The following LAMTOR3 variants were observed in gnomAD, a reference collection of about 807,000 sequenced individuals.
LAMTOR3 encodes ragulator complex protein LAMTOR3.
In LAMTOR3, 14 loss-of-function variants were observed where a neutral mutation model predicts 20.3. The ratio of observed to expected loss-of-function variants is 0.69; its 90% confidence interval spans 0.46 to 1.08. The LOEUF (loss-of-function observed/expected upper bound fraction) is 1.08, where lower values mean the gene tolerates loss of function less well. Among genes scored for constraint, LAMTOR3 ranks in the 50% least tolerant of loss-of-function variants. The pLI is 0.00. For missense variants in LAMTOR3, 125 were observed against 143.7 expected (o/e 0.87, Z 0.67); for synonymous variants, 40 against 49.4 (o/e 0.81, Z 0.80).
chr4:99,893,234 G>A (rs967357638), intron 2 of LAMTOR3, among the ~76,000 whole-genome samples: 1 of 151,866 alleles, frequency 6.6e-6, no homozygotes, highest in Non-Finnish European at 1.5e-5. Context: ...GGCTGATCTT[G>A]AACTCCCGGC....
chr4:99,887,261 AAAG>A lies in LAMTOR3; in HGVS notation c.103+32_103+34del, dbSNP rs537670861. On this transcript the variant is annotated intron_variant, in intron 4 of 6. Coordinates refer to ENST00000499666, the MANE Select transcript of LAMTOR3 (RefSeq NM_021970.4). Reference sequence around the variant, plus strand: ...ATTACACACATTTTTAGTCAAAAGCAAAGAAGACATTTGCATTTAAATGTTCAG... The same window carrying A: ...ATTACACACATTTTTAGTCAAAAGCAAAGACATTTGCATTTAAATGTTCAG... 7.6e-5 allele frequency: 107 copies of A among 1,412,306 alleles called. No individual in the cohort carries two copies. The African/African-American group carries it at 1.3e-3, about 17-fold the overall frequency. 87.5% of individuals were successfully genotyped at this position (1,412,306 alleles called of 1,614,324 possible).
At position 99,878,686 on chromosome 4, in the gene LAMTOR3, G is replaced by C. The variant is rs1198944316; in HGVS notation, c.*3308C>G. The stretch of plus-strand genomic sequence containing the variant: ...TCTCAATAAACATTATTATGCCTTA[G>C]AGATCTTTTCATCTCAGTACCTAAA... On this transcript the variant is annotated 3_prime_UTR_variant, in exon 7 of 7. Transcript: ENST00000499666. 1.3e-5 allele frequency: 2 copies of C among 152,178 alleles called. No individual in the cohort carries two copies. Among genetic ancestry groups the C allele is most frequent in the African/African-American group, 4.8e-5 (2 of 41,434 alleles). The allele number at this position is 152,178 out of a possible 1,614,324, so 9.4% of individuals were successfully genotyped here.
intron 3 of LAMTOR3, among the ~76,000 whole-genome samples, chr4:99,887,719 C>T (rs993383201): frequency 2.0e-5 from 3 of 152,134 alleles, no homozygotes; most frequent in African/African-American, 4.8e-5. Flanking sequence ...AAATATTAAG[C>T]GGCCAGTATT....
intron 2 of LAMTOR3, among the ~76,000 whole-genome samples, chr4:99,892,399 T>C (rs1725038347): frequency 6.6e-6 from 1 of 152,218 alleles, no homozygotes; most frequent in Non-Finnish European, 1.5e-5. Flanking sequence ...CCTGTTGCTA[T>C]TGTGTTCACT....
chr4:99,885,362 T>C (rs144547057), intron 5 of LAMTOR3, among the ~76,000 whole-genome samples, 180 bp downstream of exon 5: 4 of 152,328 alleles, frequency 2.6e-5, no homozygotes, highest in African/African-American at 9.6e-5. Context: ...AATTATTTCC[T>C]GGTATGAAAT....
rs1350840507 is a variant in LAMTOR3 at position 99,878,624 on chromosome 4, C to T, written c.*3370G>A. ...ATACACATTTTTTCTTCTTATACAT[C>T]AATTGTAGCATGCCATACAGTTTGA... On this transcript the variant is annotated 3_prime_UTR_variant, in exon 7 of 7. Coordinates refer to ENST00000499666, the MANE Select transcript of LAMTOR3 (RefSeq NM_021970.4). 6.6e-6 allele frequency: 1 copy of T among 152,150 alleles called. No individual in the cohort carries two copies. Among genetic ancestry groups the T allele is most frequent in the African/African-American group, 2.4e-5 (1 of 41,428 alleles). The allele number at this position is 152,150 out of a possible 1,614,324, so 9.4% of individuals were successfully genotyped here. A position where few individuals can be genotyped will look rare whatever the true frequency, so the allele number is the denominator to read the frequency against.
In LAMTOR3 at chr4:99,878,790, G is replaced by A. The variant is rs1378580050; in HGVS notation, c.*3204C>T. ...AATTTATTATCTAAAGTGAGACATT[G>A]AGAATGAAAGCACTATTAATAATTA... is the stretch of plus-strand genomic sequence containing the variant. On this transcript the variant is annotated 3_prime_UTR_variant, in exon 7 of 7. Transcript: ENST00000499666. 6.6e-6 allele frequency: 1 copy of A among 152,154 alleles called. No individual in the cohort carries two copies. Among genetic ancestry groups the A allele is most frequent in the Non-Finnish European group, 1.5e-5 (1 of 68,032 alleles). 9.4% of individuals were successfully genotyped at this position (152,154 alleles called of 1,614,324 possible).
chr4:99,886,437 T>C (rs1461207032), intron 4 of LAMTOR3, among the ~76,000 whole-genome samples: 1 of 152,184 alleles, frequency 6.6e-6, no homozygotes, highest in Non-Finnish European at 1.5e-5. Flanking sequence ...TTATAATGTG[T>C]TTGCCAAAAT....
In LAMTOR3 at chr4:99,891,888, T is replaced by A; in HGVS notation, c.44+112A>T. The A allele has an allele frequency of 2.8e-6, 4 of 1,446,938 alleles. No individual in the cohort carries two copies. In the South Asian group the frequency reaches 5.5e-5, roughly 20 times the overall value. 89.6% of individuals were successfully genotyped at this position (1,446,938 alleles called of 1,614,324 possible). ...GTGAGGCTGGCAAAAAATATTCATA[T>A]TAAAGGAAATCTCAGAGATACTTCA... is the stretch of plus-strand genomic sequence containing the variant. On this transcript the variant is annotated intron_variant, in intron 3 of 6. Coordinates refer to ENST00000499666, the MANE Select transcript of LAMTOR3 (RefSeq NM_021970.4).
At position 99,880,798 on chromosome 4, in the gene LAMTOR3, T is replaced by G. The variant is rs1348940251; in HGVS notation, c.*1196A>C. 6.6e-6 allele frequency: 1 copy of G among 152,246 alleles called. No homozygotes were observed. Among genetic ancestry groups the G allele is most frequent in the African/African-American group, 2.4e-5 (1 of 41,452 alleles). 9.4% of individuals were successfully genotyped at this position (152,246 alleles called of 1,614,324 possible). A position where few individuals can be genotyped will look rare whatever the true frequency, so the allele number is the denominator to read the frequency against. ...CTGGCACACAGGTGCTCAATGCATA[T>G]GTACTGAACTGATCCAGGGAAAAAC... On this transcript the variant is annotated 3_prime_UTR_variant, in exon 7 of 7. Coordinates refer to ENST00000499666, the MANE Select transcript of LAMTOR3 (RefSeq NM_021970.4).
chr4:99,890,398 T>C (rs183796246), intron 3 of LAMTOR3, among the ~76,000 whole-genome samples: 5 of 152,346 alleles, frequency 3.3e-5, no homozygotes, highest in Admixed American at 6.5e-5. Flanking sequence ...GCTGGCTGAC[T>C]TTGTTACTGA....
intron 3 of LAMTOR3, among the ~76,000 whole-genome samples, chr4:99,887,851 A>T (rs1251078684): frequency 6.6e-6 from 1 of 152,266 alleles, no homozygotes; most frequent in Non-Finnish European, 1.5e-5. Flanking sequence ...TAACAAACGT[A>T]AAACTAAAAC....
At position 99,879,578 on chromosome 4, in the gene LAMTOR3, GATTT is replaced by G. The variant is rs1724780230; in HGVS notation, c.*2412_*2415del. 1 of 152,034 alleles carries G rather than the reference GATTT, an allele frequency of 6.6e-6. No individual in the cohort carries two copies. The highest frequency in any genetic ancestry group is 1.9e-4 in the East Asian group (1 of 5,200). The allele number at this position is 152,034 out of a possible 1,614,324, so 9.4% of individuals were successfully genotyped here. A position where few individuals can be genotyped will look rare whatever the true frequency, so the allele number is the denominator to read the frequency against. On this transcript the variant is annotated 3_prime_UTR_variant, in exon 7 of 7. Coordinates refer to ENST00000499666, the MANE Select transcript of LAMTOR3 (RefSeq NM_021970.4). ...AATAATCCAGATAATGGGAATTCTG[GATTT>G]CAATGAGTACATCTAGTATTTCAAT... is the stretch of plus-strand genomic sequence containing the variant.
chr4:99,890,087 T>C (rs1202262030), intron 3 of LAMTOR3, among the ~76,000 whole-genome samples: 4 of 152,222 alleles, frequency 2.6e-5, no homozygotes, highest in Admixed American at 2.6e-4. Context: ...TAAGAGATAC[T>C]ACACTTTTAG....
chr4:99,889,650 T>C (rs770849500), intron 3 of LAMTOR3, among the ~76,000 whole-genome samples: 13 of 152,184 alleles, frequency 8.5e-5, no homozygotes, highest in Non-Finnish European at 1.0e-4. Flanking sequence ...GGGTGCCTCT[T>C]TGAGGGGAAA....
In LAMTOR3 at chr4:99,893,988, T is replaced by G; in HGVS notation, c.-25A>C. On this transcript the variant is annotated 5_prime_UTR_variant, in exon 2 of 7. Coordinates refer to ENST00000499666, the MANE Select transcript of LAMTOR3 (RefSeq NM_021970.4). Reference sequence around the variant, plus strand: ...TGATGAACCCCCTTCTCTCGCAGGATCAATCTCCACGCCTGGAAGAGAAAC... The same window carrying G: ...TGATGAACCCCCTTCTCTCGCAGGAGCAATCTCCACGCCTGGAAGAGAAAC... 6.5e-7 allele frequency: 1 copy of G among 1,536,398 alleles called. No homozygotes were observed.
chr4:99,883,078 G>A (rs1724858026), intron 6 of LAMTOR3, among the ~76,000 whole-genome samples: 1 of 152,000 alleles, frequency 6.6e-6, no homozygotes, highest in Non-Finnish European at 1.5e-5. Flanking sequence ...AGTATGTGAT[G>A]ATAGGTGATT....
At chr4:99,892,278 A>G (rs186000257) in intron 2 of LAMTOR3, among the ~76,000 whole-genome samples, 1 of 152,346 alleles carries the variant, frequency 6.6e-6, no homozygotes, top group Admixed American at 6.5e-5. Context: ...CTACATCATA[A>G]AAGTGTTGTT....
chr4:99,881,769 C>T lies in LAMTOR3; in HGVS notation c.*225G>A. The T allele has an allele frequency of 2.1e-6, 1 of 484,190 alleles. No individual in the cohort carries two copies. The highest frequency in any genetic ancestry group is 3.7e-6 in the Non-Finnish European group (1 of 273,584). The allele number at this position is 484,190 out of a possible 1,614,324, so 30.0% of individuals were successfully genotyped here. A position where few individuals can be genotyped will look rare whatever the true frequency, so the allele number is the denominator to read the frequency against. On this transcript the variant is annotated 3_prime_UTR_variant, in exon 7 of 7. Transcript: ENST00000499666. ...GGAGCTGTGATAGACTGAACCATTT[C>T]TGTGGTATCCCTAGATCTCACTAAA...
Sources: gnomAD v4.1 joint callset for allele counts (sites outside exome capture counted in the v4.1 genomes callset) on GRCh38, gnomAD v4.1.1 for gene constraint, MANE v1.5 for transcripts, NCBI Gene and HGNC (gene_info 2026-07-23, HGNC 2026-07-21) for gene names.